Variants in RCOR1 observed in about 807,000 individuals in gnomAD.
RCOR1 encodes the protein REST corepressor.
Under a neutral mutation model 64.0 loss-of-function variants are expected in RCOR1, and 12 were observed. The ratio of observed to expected loss-of-function variants is 0.19; its 90% confidence interval spans 0.12 to 0.30. The LOEUF (loss-of-function observed/expected upper bound fraction) is 0.30. RCOR1 is among the 10% of genes least tolerant of loss of function. The probability of loss-of-function intolerance (pLI) is 1.00; values close to 1 mark genes in which losing one functional copy is unlikely to be tolerated. For missense variants in RCOR1, 502 were observed against 621.2 expected, an observed-to-expected ratio of 0.81 and a Z score of 2.04; for synonymous variants, 279 against 227.2, an observed-to-expected ratio of 1.23 and a Z score of -2.05.
Position 102,657,110 on chromosome 14 carries a change from T to C in RCOR1, c.362-24785T>C, listed in dbSNP as rs1300192791. On this transcript the variant is annotated intron_variant, in intron 2 of 11. Coordinates refer to ENST00000262241, the MANE Select transcript of RCOR1 (RefSeq NM_015156.4). Reference sequence around the variant, plus strand: ...TCTAAAGCCTAATCTTTTTTTTTTTTCCTTATATAATTTAGGTTGACTATG... The same window carrying C: ...TCTAAAGCCTAATCTTTTTTTTTTTCCCTTATATAATTTAGGTTGACTATG... The C allele has an allele frequency of 1.1e-5, 11 of 984,232 alleles. No individual in the cohort carries two copies. The South Asian group carries it at 2.4e-4, about 21-fold the overall frequency. 61.0% of individuals were successfully genotyped at this position (984,232 alleles called of 1,614,324 possible).
Position 102,714,575 on chromosome 14 carries a change from G to A in RCOR1, c.1011G>A (p.Val337=), listed in dbSNP as rs1896027506. Reference sequence around the variant, plus strand: ...CCAATGCCACTGCTGCTACCACGGTGCTGAGACAACTAGACATGGAATTGG... The same window carrying A: ...CCAATGCCACTGCTGCTACCACGGTACTGAGACAACTAGACATGGAATTGG... ...VSANATAATT[V]LRQLDMELVS... The change falls in exon 8 of 12, where the codon GTG becomes GTA. Residue 337 remains valine (V), a synonymous_variant. Transcript: ENST00000262241. 1.2e-6 allele frequency: 2 copies of A among 1,612,412 alleles called. No homozygotes were observed. Among genetic ancestry groups the A allele is most frequent in the East Asian group, 2.2e-5 (1 of 44,880 alleles).
chr14:102,640,554 TAA>T (rs1209400228), intron 2 of RCOR1, among the ~76,000 whole-genome samples: 1 of 152,134 alleles, frequency 6.6e-6, no homozygotes, highest in Admixed American at 6.6e-5. Flanking sequence ...AATTAATTTT[TAA>T]AAAATGTAAT....
intron 2 of RCOR1, among the ~76,000 whole-genome samples, chr14:102,633,982 A>T (rs1894179669): frequency 6.6e-6 from 1 of 152,182 alleles, no homozygotes; most frequent in African/African-American, 2.4e-5. Context: ...TGCCTCTAAA[A>T]TGTACACATA....
At chr14:102,626,281 G>A (rs575055061) in intron 2 of RCOR1, among the ~76,000 whole-genome samples, 17 of 152,170 alleles carry the variant, frequency 1.1e-4, no homozygotes, top group Admixed American at 3.3e-4. Flanking sequence ...CTCATTCCCC[G>A]GAAAATAGAG....
At chr14:102,650,122 T>G (rs1385906926) in intron 2 of RCOR1, among the ~76,000 whole-genome samples, 1 of 146,758 alleles carries the variant, frequency 6.8e-6, no homozygotes, top group Non-Finnish European at 1.5e-5. Context: ...GGTGTGAACC[T>G]GGGAGGTGCA....
At chr14:102,698,006 C>T (rs1895681169) in intron 3 of RCOR1, among the ~76,000 whole-genome samples, 1 of 152,224 alleles carries the variant, frequency 6.6e-6, no homozygotes, top group Non-Finnish European at 1.5e-5. Context: ...CTGGCATGAG[C>T]CACCGCACCC....
chr14:102,697,555 A>G (rs899780284), intron 3 of RCOR1, among the ~76,000 whole-genome samples: 2 of 152,188 alleles, frequency 1.3e-5, no homozygotes, highest in African/African-American at 4.8e-5. Context: ...TAGGTATTAG[A>G]TGGTAATTCC....
At chr14:102,660,000 G>A (rs1284361728) in intron 2 of RCOR1, among the ~76,000 whole-genome samples, 1 of 152,188 alleles carries the variant, frequency 6.6e-6, no homozygotes, top group Non-Finnish European at 1.5e-5. Context: ...CTCATGGTGT[G>A]CTGAGGCATT....
chr14:102,662,223 A>G (rs1894839280), intron 2 of RCOR1: 4 of 486,020 alleles, frequency 8.2e-6, no homozygotes, highest in Non-Finnish European at 1.6e-5. Context: ...ATTTAGAATT[A>G]GCCAGCTGGA....
At chr14:102,654,300 TA>T (rs1335469660) in intron 2 of RCOR1, among the ~76,000 whole-genome samples, 1 of 152,202 alleles carries the variant, frequency 6.6e-6, no homozygotes, top group East Asian at 1.9e-4. Flanking sequence ...TATTTTTTTA[TA>T]GCAGTGTGAG....
intron 2 of RCOR1, among the ~76,000 whole-genome samples, chr14:102,632,669 CTTTCCTTTCCT>C (rs1204162139): frequency 0.024 from 1,191 of 49,518 alleles, 9 homozygotes; most frequent in Middle Eastern, 0.045. Context: ...CTTTCCTTTC[CTTTCCTTTCCT>C]TTTCCTTTTC....
At chr14:102,629,600 A>G (rs192706724) in intron 2 of RCOR1, among the ~76,000 whole-genome samples, 11 of 152,304 alleles carry the variant, frequency 7.2e-5, no homozygotes, top group Admixed American at 4.6e-4. Flanking sequence ...TATACAAAGT[A>G]TAGGTGTCTG....
chr14:102,621,812 C>T (rs1217906491), intron 2 of RCOR1, among the ~76,000 whole-genome samples: 2 of 152,002 alleles, frequency 1.3e-5, no homozygotes, highest in Non-Finnish European at 2.9e-5. Flanking sequence ...CCTCTTTTCG[C>T]CCTCCTACAT....
intron 2 of RCOR1, among the ~76,000 whole-genome samples, chr14:102,594,036 A>G (rs1893191359): frequency 6.6e-6 from 1 of 152,184 alleles, no homozygotes; most frequent in Admixed American, 6.5e-5. Context: ...TTTCACCTAC[A>G]AGAAAGCCCT....
chr14:102,625,526 C>T (rs1016960669), intron 2 of RCOR1, among the ~76,000 whole-genome samples: 12 of 150,478 alleles, frequency 8.0e-5, no homozygotes, highest in Admixed American at 2.0e-4. Flanking sequence ...TGAGCAACCG[C>T]GCCTGGCTTT....
At chr14:102,627,236 G>A (rs1489765795) in intron 2 of RCOR1, among the ~76,000 whole-genome samples, 1 of 152,070 alleles carries the variant, frequency 6.6e-6, no homozygotes, top group East Asian at 1.9e-4. Flanking sequence ...CGTATACTAG[G>A]CTCCATGCTT....
intron 2 of RCOR1, among the ~76,000 whole-genome samples, chr14:102,635,939 T>C (rs1171487748): frequency 6.6e-6 from 1 of 151,868 alleles, no homozygotes; most frequent in African/African-American, 2.4e-5. Context: ...CATAAAAGTT[T>C]CTCCCTCCCT....
At chr14:102,659,801 G>T (rs1329807703) in intron 2 of RCOR1, among the ~76,000 whole-genome samples, 1 of 152,164 alleles carries the variant, frequency 6.6e-6, no homozygotes, top group East Asian at 1.9e-4. Context: ...AGAAAGTTTG[G>T]TAAGGACGTT....
chr14:102,679,569 C>T (rs978215349), intron 2 of RCOR1, among the ~76,000 whole-genome samples: 21 of 151,946 alleles, frequency 1.4e-4, no homozygotes, highest in African/African-American at 4.8e-4. Context: ...AGCTCCGCCT[C>T]TCGCGTTCAC....
Sources: allele counts gnomAD v4.1 joint callset (sites outside exome capture counted in the v4.1 genomes callset), GRCh38; gene constraint gnomAD v4.1.1; transcripts MANE v1.5; gene names NCBI Gene and HGNC (gene_info 2026-07-23, HGNC 2026-07-21).